The following LRMDA variants were observed in gnomAD, a reference collection of about 807,000 sequenced individuals.
LRMDA encodes the protein leucine-rich melanocyte differentiation-associated protein.
In LRMDA, 18 loss-of-function variants were observed where a neutral mutation model predicts 29.8. The observed-to-expected ratio is 0.60, with a 90% CI of 0.42 to 0.90. LRMDA has a LOEUF of 0.90. Ranked by LOEUF, LRMDA falls within the 40% of genes least tolerant of loss-of-function variation. LRMDA has a pLI of 0.00. For missense variants in LRMDA, 273 were observed against 273.9 expected (o/e 1.00, Z 0.02); for synonymous variants, 125 against 109.4 (o/e 1.14, Z -0.89).
chr10:75,700,556 C>T (rs1721495064), intron 2 of LRMDA, among the ~76,000 whole-genome samples: 1 of 151,864 alleles, frequency 6.6e-6, no homozygotes, highest in Non-Finnish European at 1.5e-5. Flanking sequence ...CTGCCTTAGC[C>T]TTCCTTTCTC....
intron 2 of LRMDA, among the ~76,000 whole-genome samples, chr10:76,019,914 A>AT (rs1461237411): frequency 6.6e-6 from 1 of 152,174 alleles, no homozygotes; most frequent in East Asian, 1.9e-4. Flanking sequence ...GGGCTTCTGA[A>AT]TTTTTGATAA....
chr10:76,333,591 G>T (rs532203805), intron 6 of LRMDA, among the ~76,000 whole-genome samples: 3 of 152,186 alleles, frequency 2.0e-5, no homozygotes, highest in African/African-American at 7.2e-5. Context: ...TGGAGTTGTT[G>T]TATGAGGTTG....
intron 2 of LRMDA, among the ~76,000 whole-genome samples, chr10:75,458,192 T>C (rs1844542920): frequency 6.6e-6 from 1 of 152,254 alleles, no homozygotes; most frequent in Non-Finnish European, 1.5e-5. Context: ...CTGTAGAAGA[T>C]ATACTGAAAG....
intron 2 of LRMDA, among the ~76,000 whole-genome samples, chr10:75,935,106 C>T (rs1020798528): frequency 6.6e-6 from 1 of 152,122 alleles, no homozygotes; most frequent in Non-Finnish European, 1.5e-5. Flanking sequence ...AACAAGAATC[C>T]TTTTTCTTTC....
chr10:75,945,245 G>A (rs1433102206), intron 2 of LRMDA, among the ~76,000 whole-genome samples: 2 of 152,224 alleles, frequency 1.3e-5, no homozygotes, highest in Non-Finnish European at 1.5e-5. Flanking sequence ...CCTGAAATCT[G>A]TGGTCAGTTC....
Position 75,574,322 on chromosome 10 carries a change from T to G in LRMDA, c.131+135828T>G, listed in dbSNP as rs187297860. ...ATGTACTAAGATTTTAGGGGAGAGT[T>G]ATGTTTTATCCAGATTTCTTTAAGA... On this transcript the variant is annotated intron_variant, in intron 2 of 6. Coordinates refer to ENST00000611255, the MANE Select transcript of LRMDA (RefSeq NM_001305581.2). Among the ~76,000 whole-genome samples, 366 of 152,312 alleles carry G rather than the reference T, an allele frequency of 2.4e-3. 1 individual carries two copies. Among genetic ancestry groups the G allele is most frequent in the African/African-American group, 7.0e-3 (292 of 41,562 alleles).
chr10:76,287,076 ATCT>A (rs1840280744), intron 5 of LRMDA, among the ~76,000 whole-genome samples: 1 of 152,228 alleles, frequency 6.6e-6, no homozygotes, highest in South Asian at 2.1e-4. Flanking sequence ...TTGGATAGAG[ATCT>A]TCTGAAACTA....
chr10:76,543,856 G>A lies in LRMDA; in HGVS notation c.602-13353G>A, dbSNP rs184704311. Reference sequence around the variant, plus strand: ...ATTCAAATAAAATTTCAATTGTATAGCATTGCTGGAGGCCTACCAATAGTT... The same window carrying A: ...ATTCAAATAAAATTTCAATTGTATAACATTGCTGGAGGCCTACCAATAGTT... On this transcript the variant is annotated intron_variant, in intron 6 of 6. Coordinates refer to ENST00000611255, the MANE Select transcript of LRMDA (RefSeq NM_001305581.2). Among the ~76,000 whole-genome samples, 10 of 152,210 alleles carry A rather than the reference G, an allele frequency of 6.6e-5. No homozygotes were observed. In the East Asian group the frequency reaches 1.9e-3, roughly 30 times the overall value.
intron 2 of LRMDA, among the ~76,000 whole-genome samples, chr10:75,877,622 T>C (rs1845220732): frequency 6.6e-6 from 1 of 152,246 alleles, no homozygotes; most frequent in Admixed American, 6.5e-5. Flanking sequence ...CCTATTAACC[T>C]AGTCTAACAG....
chr10:76,277,519 AT>A (rs774804575), intron 5 of LRMDA, among the ~76,000 whole-genome samples: 2 of 150,778 alleles, frequency 1.3e-5, no homozygotes, highest in South Asian at 2.1e-4. Context: ...AGCTATTTGG[AT>A]TTTTTTTTCT....
At chr10:76,140,828 GCCA>G (rs773628966) in intron 5 of LRMDA, among the ~76,000 whole-genome samples, 39 of 152,222 alleles carry the variant, frequency 2.6e-4, no homozygotes, top group Middle Eastern at 3.4e-3. Context: ...ACTAAGGAAT[GCCA>G]CCACACCTAG....
In LRMDA at chr10:76,405,563, G is replaced by A. The variant is rs533901342; in HGVS notation, c.601+81078G>A. Reference sequence around the variant, plus strand: ...ACAGTTCTCGCCTGTCTAAGGATGTGATTGACTGGTGGTATCTTTTCATGG... The same window carrying A: ...ACAGTTCTCGCCTGTCTAAGGATGTAATTGACTGGTGGTATCTTTTCATGG... On this transcript the variant is annotated intron_variant, in intron 6 of 6. Transcript: ENST00000611255. Among the ~76,000 whole-genome samples the A allele has an allele frequency of 3.9e-5, 6 of 152,284 alleles. No homozygotes were observed. In the South Asian group the frequency reaches 1.2e-3, roughly 32 times the overall value.
chr10:76,010,066 C>A (rs11001578), intron 2 of LRMDA, among the ~76,000 whole-genome samples: 4 of 152,186 alleles, frequency 2.6e-5, no homozygotes, highest in South Asian at 2.1e-4. Context: ...TTCCCTCCCC[C>A]TGAAGGTGGC....
chr10:75,688,469 G>A (rs1465243844), intron 2 of LRMDA, among the ~76,000 whole-genome samples: 2 of 152,196 alleles, frequency 1.3e-5, no homozygotes, highest in African/African-American at 4.8e-5. Context: ...CTGAATTGCT[G>A]CAATCTTGTG....
intron 4 of LRMDA, among the ~76,000 whole-genome samples, chr10:76,051,381 T>G (rs1848529225): frequency 6.6e-6 from 1 of 152,228 alleles, no homozygotes; most frequent in South Asian, 2.1e-4. Context: ...TCAAACATGC[T>G]GCCGGTGAAC....
At chr10:76,386,184 G>C (rs1841657508) in intron 6 of LRMDA, among the ~76,000 whole-genome samples, 1 of 152,192 alleles carries the variant, frequency 6.6e-6, no homozygotes, top group Non-Finnish European at 1.5e-5. Context: ...GACAAGGATA[G>C]GGTCTTCTTA....
intron 2 of LRMDA, among the ~76,000 whole-genome samples, chr10:75,594,157 CCT>C (rs1255372812): frequency 3.9e-5 from 6 of 152,170 alleles, no homozygotes; most frequent in Non-Finnish European, 8.8e-5. Flanking sequence ...CCCGGGTGCC[CCT>C]GTTGATGGGC....
chr10:76,159,936 T>C (rs1201163750), intron 5 of LRMDA, among the ~76,000 whole-genome samples: 1 of 152,096 alleles, frequency 6.6e-6, no homozygotes, highest in Non-Finnish European at 1.5e-5. Flanking sequence ...ATACTCTGTA[T>C]GATAGTGTGA....
chr10:75,431,639 GCCCGCCGCGCTCC>G lies in LRMDA; in HGVS notation c.-83_-71del, dbSNP rs1450751421. 7.2e-5 allele frequency: 83 copies of G among 1,154,704 alleles called. No homozygotes were observed. Among genetic ancestry groups the G allele is most frequent in the Non-Finnish European group, 7.1e-5 (66 of 930,154 alleles). The allele number at this position is 1,154,704 out of a possible 1,614,324, so 71.5% of individuals were successfully genotyped here. ...CTGACTGCCCAGTGCGGAACTGTGCGCCCGCCGCGCTCCCCTGCCGCGCTCCCCGCTGCTGCCG... is the reference window on the plus strand; with the variant it reads ...CTGACTGCCCAGTGCGGAACTGTGCGCCTGCCGCGCTCCCCGCTGCTGCCG... On this transcript the variant is annotated 5_prime_UTR_variant, in exon 1 of 7. Transcript: ENST00000611255.
Sources: gnomAD v4.1 joint callset for allele counts (sites outside exome capture counted in the v4.1 genomes callset) on GRCh38, gnomAD v4.1.1 for gene constraint, MANE v1.5 for transcripts, NCBI Gene and HGNC (gene_info 2026-07-23, HGNC 2026-07-21) for gene names.